CTNNA2: variants seen among roughly 807,000 people sequenced by gnomAD.
The protein encoded by CTNNA2 is catenin alpha 2, also known as catenin alpha-2.
In CTNNA2, 42 loss-of-function variants were observed where a neutral mutation model predicts 101.0. That is an observed-to-expected ratio of 0.42 (90% CI 0.32 to 0.54). CTNNA2 has a LOEUF of 0.54. Ranked by LOEUF, CTNNA2 falls within the 20% of genes least tolerant of loss-of-function variation. The pLI, the probability that CTNNA2 is intolerant of heterozygous loss-of-function variation, is 0.14. For missense variants in CTNNA2, 871 were observed against 1,223.1 expected (o/e 0.71, Z 4.29); for synonymous variants, 450 against 456.4 (o/e 0.99, Z 0.18).
intron 1 of CTNNA2, among the ~76,000 whole-genome samples, chr2:79,648,069 G>T (rs936526765): frequency 1.3e-5 from 2 of 152,192 alleles, no homozygotes; most frequent in African/African-American, 4.8e-5. Context: ...TCTCATGGAG[G>T]TGAGGATGGG....
chr2:79,748,262 T>G (rs1050421964), intron 3 of CTNNA2, among the ~76,000 whole-genome samples: 25 of 152,166 alleles, frequency 1.6e-4, no homozygotes, highest in Non-Finnish European at 3.2e-4. Context: ...AAAGAGCTTG[T>G]GGGGAAGGAA....
chr2:80,146,466 T>A (rs1262569909), intron 7 of CTNNA2, among the ~76,000 whole-genome samples: 1 of 152,118 alleles, frequency 6.6e-6, no homozygotes, highest in African/African-American at 2.4e-5. Context: ...TGACTGTCCC[T>A]GGCATGGGCT....
intron 15 of CTNNA2, among the ~76,000 whole-genome samples, chr2:80,589,892 G>GTGTGTGTGTC (rs1553400597): frequency 9.2e-4 from 138 of 149,374 alleles, no homozygotes; most frequent in Middle Eastern, 6.9e-3. Flanking sequence ...GTGTGTGTGT[G>GTGTGTGTGTC]TGTGTGTGTG....
intron 7 of CTNNA2, among the ~76,000 whole-genome samples, chr2:80,342,132 A>T (rs1672300994): frequency 6.6e-6 from 1 of 152,186 alleles, no homozygotes; most frequent in Admixed American, 6.5e-5. Flanking sequence ...ATAGGAAATG[A>T]TTGGTAATGG....
intron 7 of CTNNA2, among the ~76,000 whole-genome samples, chr2:80,188,526 C>T (rs749170454): frequency 2.0e-5 from 3 of 152,104 alleles, no homozygotes; most frequent in African/African-American, 4.8e-5. Context: ...TCTCAATGGA[C>T]TAAAATAAAG....
At chr2:79,654,036 A>T (rs1181589660) in intron 2 of CTNNA2, among the ~76,000 whole-genome samples, 1 of 152,144 alleles carries the variant, frequency 6.6e-6, no homozygotes, top group Non-Finnish European at 1.5e-5. Flanking sequence ...GATACTCCCC[A>T]AGAAGTTAAT....
intron 4 of CTNNA2, among the ~76,000 whole-genome samples, chr2:79,465,434 T>C (rs1019653402): frequency 6.6e-6 from 1 of 152,208 alleles, no homozygotes; most frequent in Non-Finnish European, 1.5e-5. Flanking sequence ...CCAGCTTTGT[T>C]CTTTTGGCTT....
intron 3 of CTNNA2, among the ~76,000 whole-genome samples, chr2:79,351,626 T>C (rs1184102188): frequency 6.6e-6 from 1 of 152,134 alleles, no homozygotes; most frequent in Non-Finnish European, 1.5e-5. Flanking sequence ...CATCTATTGT[T>C]CCCATTTTTA....
intron 18 of CTNNA2, among the ~76,000 whole-genome samples, chr2:80,645,315 T>C (rs774928659): frequency 3.9e-5 from 6 of 152,160 alleles, no homozygotes; most frequent in Non-Finnish European, 7.4e-5. Context: ...GTTCCCAACA[T>C]TTTGCTGTCT....
intron 7 of CTNNA2, among the ~76,000 whole-genome samples, chr2:80,256,884 A>G (rs1335444555): frequency 6.6e-6 from 1 of 152,206 alleles, no homozygotes; most frequent in Admixed American, 6.5e-5. Context: ...CCATTGGTTC[A>G]TCTCTTCTGG....
chr2:80,563,359 T>C (rs1277819950), intron 12 of CTNNA2, among the ~76,000 whole-genome samples: 4 of 152,202 alleles, frequency 2.6e-5, no homozygotes, highest in African/African-American at 9.6e-5. Context: ...AGGAAGAATA[T>C]GCTAACAGCC....
intron 7 of CTNNA2, among the ~76,000 whole-genome samples, chr2:80,293,943 T>C (rs978921137): frequency 4.0e-5 from 6 of 151,678 alleles, no homozygotes; most frequent in African/African-American, 1.5e-4. Flanking sequence ...GAAACTATGA[T>C]GTCAAACTTT....
At chr2:80,642,878 C>CAAAACACAAAATGAGGAGAGTATAGGGAA (rs1309648621) in intron 18 of CTNNA2, among the ~76,000 whole-genome samples, 4 of 152,128 alleles carry the variant, frequency 2.6e-5, no homozygotes, top group Middle Eastern at 3.4e-3. Flanking sequence ...TCTGCCCATT[C>CAAAACACAAAATGAGGAGAGTATAGGGAA]AAAACACAAA....
chr2:79,940,375 G>A (rs1293720114), intron 7 of CTNNA2, among the ~76,000 whole-genome samples: 2 of 152,150 alleles, frequency 1.3e-5, no homozygotes, highest in Non-Finnish European at 2.9e-5. Flanking sequence ...ATTGCAAAAT[G>A]CTTATTATAC....
At chr2:80,297,657 A>G (rs1187859815) in intron 7 of CTNNA2, among the ~76,000 whole-genome samples, 1 of 152,292 alleles carries the variant, frequency 6.6e-6, no homozygotes, top group East Asian at 1.9e-4. Flanking sequence ...AGAGTAGAGC[A>G]TACTTTAATG....
chr2:79,396,154 A>G (rs915130476), intron 4 of CTNNA2, among the ~76,000 whole-genome samples: 6 of 152,028 alleles, frequency 3.9e-5, no homozygotes, highest in African/African-American at 1.4e-4. Flanking sequence ...AGTTCAATAT[A>G]TAATTGAATT....
intron 7 of CTNNA2, among the ~76,000 whole-genome samples, chr2:80,179,405 G>A (rs928523290): frequency 6.0e-4 from 91 of 151,962 alleles, no homozygotes; most frequent in African/African-American, 2.1e-3. Context: ...ACGGAGTCTC[G>A]CTCTGTCGCC....
In CTNNA2 at chr2:79,340,833, C is replaced by CAAAA. The variant is rs56276462; in HGVS notation, c.-318+28055_-318+28058dup. 4.3e-3 allele frequency among the ~76,000 whole-genome samples: 138 copies of CAAAA among 32,450 alleles called. 2 individuals are homozygous for CAAAA. Among genetic ancestry groups the CAAAA allele is most frequent in the Non-Finnish European group, 5.9e-3 (110 of 18,562 alleles). The allele number at this position is 32,450 out of a possible 152,430, so 21.3% of individuals were successfully genotyped here. ...TGGGCTACAGAGCGAGACTCAGTCTCAAAAAAAAAAAAAAAAAAAAAGAAA... is the reference window on the plus strand; with the variant it reads ...TGGGCTACAGAGCGAGACTCAGTCTCAAAAAAAAAAAAAAAAAAAAAAAAAGAAA... On this transcript the variant is annotated intron_variant, in intron 3 of 21. Coordinates refer to the CTNNA2 transcript ENST00000466387.
chr2:79,927,132 G>A (rs537287668), intron 7 of CTNNA2, among the ~76,000 whole-genome samples: 9 of 152,190 alleles, frequency 5.9e-5, no homozygotes, highest in Middle Eastern at 3.4e-3. Flanking sequence ...AAAGGACATC[G>A]AATAGAGAAA....
Sources: allele counts gnomAD v4.1 joint callset (sites outside exome capture counted in the v4.1 genomes callset), GRCh38; gene constraint gnomAD v4.1.1; transcripts MANE v1.5; gene names NCBI Gene and HGNC (gene_info 2026-07-23, HGNC 2026-07-21).